Variants in WDFY2 observed in about 807,000 individuals in gnomAD.
WDFY2 encodes WD repeat and FYVE domain containing 2.
WDFY2 carries 36 observed loss-of-function variants against 56.4 expected under a neutral mutation model. The observed-to-expected ratio is 0.64, with a 90% CI of 0.49 to 0.84. WDFY2 has a LOEUF of 0.84. Among genes scored for constraint, WDFY2 ranks in the 40% least tolerant of loss-of-function variants. The pLI is 0.00. For missense variants in WDFY2, 444 were observed against 512.2 expected (o/e 0.87, Z 1.29); for synonymous variants, 176 against 183.7 (o/e 0.96, Z 0.34).
At chr13:51,599,659 G>A (rs1338877547) in intron 1 of WDFY2, among the ~76,000 whole-genome samples, 1 of 152,118 alleles carries the variant, frequency 6.6e-6, no homozygotes, top group African/African-American at 2.4e-5. Flanking sequence ...TTCTTACTCT[G>A]GACTTTGAGT....
intron 4 of WDFY2, among the ~76,000 whole-genome samples, chr13:51,710,134 T>C (rs1175224054): frequency 3.3e-5 from 5 of 152,152 alleles, no homozygotes; most frequent in Non-Finnish European, 7.3e-5. Flanking sequence ...TGGTTCAACA[T>C]ACGCAAATCA....
intron 1 of WDFY2, among the ~76,000 whole-genome samples, chr13:51,622,146 C>T (rs944894413): frequency 6.6e-6 from 1 of 152,170 alleles, no homozygotes; most frequent in African/African-American, 2.4e-5. Context: ...TAATGCGAAG[C>T]ACATTTGTGC....
chr13:51,759,819 TTTAACCCAAATCA>T lies in WDFY2; in HGVS notation c.*54_*66del, dbSNP rs147876825. The T allele has an allele frequency of 0.16, 259,205 of 1,589,388 alleles. 22,513 individuals are homozygous for T. The highest frequency in any genetic ancestry group is 0.2 in the South Asian group (18,084 of 89,898). ...TAGTATTTACTAAAGAAACGGTTGT[TTTAACCCAAATCA>T]TTACCAGAGTGGTAAAGCAGACATG... On this transcript the variant is annotated 3_prime_UTR_variant, in exon 12 of 12. Coordinates refer to ENST00000298125, the MANE Select transcript of WDFY2 (RefSeq NM_052950.4).
intron 1 of WDFY2, among the ~76,000 whole-genome samples, chr13:51,655,091 G>A (rs1265705008): frequency 6.6e-6 from 1 of 152,076 alleles, no homozygotes; most frequent in Non-Finnish European, 1.5e-5. Context: ...AGCTTCAGTC[G>A]TTTTTTCTTG....
At chr13:51,662,194 C>T (rs1448997499) in intron 2 of WDFY2, among the ~76,000 whole-genome samples, 1 of 152,216 alleles carries the variant, frequency 6.6e-6, no homozygotes, top group Non-Finnish European at 1.5e-5. Context: ...TGGTTTCGAA[C>T]TCCTGACCTC....
chr13:51,745,861 T>G (rs776603156), intron 7 of WDFY2, among the ~76,000 whole-genome samples: 2 of 150,824 alleles, frequency 1.3e-5, no homozygotes, highest in Non-Finnish European at 3.0e-5. Flanking sequence ...GTTTTGCATA[T>G]CCAGAGCCAC....
chr13:51,658,280 G>A (rs554296840), intron 1 of WDFY2, among the ~76,000 whole-genome samples: 5 of 152,130 alleles, frequency 3.3e-5, no homozygotes, highest in Non-Finnish European at 7.3e-5. Flanking sequence ...AAATGCCTGC[G>A]TCCGATAAGG....
At chr13:51,722,994 A>G (rs536568889) in intron 5 of WDFY2, among the ~76,000 whole-genome samples, 1 of 152,332 alleles carries the variant, frequency 6.6e-6, no homozygotes, top group African/African-American at 2.4e-5. Flanking sequence ...TATTTCCACA[A>G]TGTCACCCTG....
intron 4 of WDFY2, among the ~76,000 whole-genome samples, chr13:51,718,612 A>G (rs1001582405): frequency 2.7e-5 from 4 of 150,390 alleles, no homozygotes; most frequent in African/African-American, 9.8e-5. Context: ...ACTGTAACAT[A>G]AGGGATACTT....
intron 3 of WDFY2, among the ~76,000 whole-genome samples, chr13:51,686,404 C>T (rs777716376): frequency 2.0e-5 from 3 of 152,088 alleles, no homozygotes; most frequent in African/African-American, 4.8e-5. Flanking sequence ...AGTAGGTGAA[C>T]TTTAATTTAC....
intron 3 of WDFY2, among the ~76,000 whole-genome samples, chr13:51,681,627 C>A (rs1028418995): frequency 6.6e-6 from 1 of 152,084 alleles, no homozygotes; most frequent in African/African-American, 2.4e-5. Flanking sequence ...GTTAAGTAGA[C>A]ATTTTCTTCT....
Position 51,711,759 on chromosome 13 carries a change from A to G in WDFY2, c.335-7439A>G, listed in dbSNP as rs564756648. On this transcript the variant is annotated intron_variant, in intron 4 of 11. Coordinates refer to ENST00000298125, the MANE Select transcript of WDFY2 (RefSeq NM_052950.4). The stretch of plus-strand genomic sequence containing the variant: ...CAATAAGATACATCTCACACCAGTT[A>G]GAATGGCGATCATTAAAAAGTCAGG... Among the ~76,000 whole-genome samples the G allele has an allele frequency of 1.5e-4, 23 of 152,374 alleles. No homozygotes were observed. The South Asian group carries it at 4.8e-3, about 32-fold the overall frequency.
chr13:51,627,615 G>A (rs964797804), intron 1 of WDFY2, among the ~76,000 whole-genome samples: 2 of 151,922 alleles, frequency 1.3e-5, no homozygotes, highest in African/African-American at 4.8e-5. Context: ...AACTCCTGAC[G>A]TCAGGTGGTC....
At chr13:51,700,992 C>T (rs1951972995) in intron 3 of WDFY2, among the ~76,000 whole-genome samples, 1 of 152,052 alleles carries the variant, frequency 6.6e-6, no homozygotes, top group Non-Finnish European at 1.5e-5. Context: ...TATACTACAT[C>T]CTATACAGTC....
chr13:51,684,368 G>GTT (rs79338211), intron 3 of WDFY2, among the ~76,000 whole-genome samples: 9 of 135,450 alleles, frequency 6.6e-5, no homozygotes, highest in South Asian at 2.4e-4. Flanking sequence ...AGTATTTGGT[G>GTT]TTTTTTTTTT....
At chr13:51,600,819 G>T (rs1478737420) in intron 1 of WDFY2, among the ~76,000 whole-genome samples, 4 of 152,140 alleles carry the variant, frequency 2.6e-5, no homozygotes, top group African/African-American at 9.7e-5. Flanking sequence ...CTTTTCGTTG[G>T]TCATTGCTTT....
intron 3 of WDFY2, among the ~76,000 whole-genome samples, chr13:51,695,182 C>G (rs184951088): frequency 2.6e-5 from 4 of 152,316 alleles, no homozygotes; most frequent in African/African-American, 7.2e-5. Context: ...TCTCTCAGCT[C>G]GTCAAAGGCA....
chr13:51,595,296 C>T (rs965411256), intron 1 of WDFY2, among the ~76,000 whole-genome samples: 15 of 152,150 alleles, frequency 9.9e-5, no homozygotes, highest in Non-Finnish European at 1.0e-4. Flanking sequence ...TGTTCTTAAC[C>T]GGAAGCTTAG....
chr13:51,741,359 G>C (rs1655478801), intron 7 of WDFY2, among the ~76,000 whole-genome samples: 1 of 152,210 alleles, frequency 6.6e-6, no homozygotes, highest in Non-Finnish European at 1.5e-5. Flanking sequence ...TTGTCATCAG[G>C]TTTTAACCCC....
Sources: gnomAD v4.1 joint callset for allele counts (sites outside exome capture counted in the v4.1 genomes callset) on GRCh38, gnomAD v4.1.1 for gene constraint, MANE v1.5 for transcripts, NCBI Gene and HGNC (gene_info 2026-07-23, HGNC 2026-07-21) for gene names.